Variants in ZCCHC17 observed in about 807,000 individuals in gnomAD.
ZCCHC17 encodes the protein zinc finger CCHC-type containing 17, also known as zinc finger CCHC domain-containing protein 17.
ZCCHC17 carries 18 observed loss-of-function variants against 30.6 expected under a neutral mutation model. That is an observed-to-expected ratio of 0.59 (90% CI 0.41 to 0.87). ZCCHC17 has a LOEUF of 0.87. ZCCHC17 is among the 40% of genes least tolerant of loss of function. The probability of loss-of-function intolerance (pLI) is 0.00; values close to 1 mark genes in which losing one functional copy is unlikely to be tolerated. For synonymous variants in ZCCHC17, 88 were observed against 92.4 expected (o/e 0.95, Z 0.27); for missense variants, 263 against 284.2 (o/e 0.93, Z 0.54).
rs115744485 is a variant in ZCCHC17 at position 31,329,933 on chromosome 1, G to A, written c.125-7242G>A. Among the ~76,000 whole-genome samples, 590 of 152,288 alleles carry A rather than the reference G, an allele frequency of 3.9e-3. 6 individuals are homozygous for A. Among genetic ancestry groups the A allele is most frequent in the African/African-American group, 0.014 (572 of 41,552 alleles). On this transcript the variant is annotated intron_variant, in intron 3 of 7. Transcript: ENST00000344147. ...TATTTTTGCCTATAATATAGTTTAA[G>A]CGTTTAGTAAATGTTTTAGTGAATC...
rs71035094 is a variant in ZCCHC17, at chr1:31,345,562, A to ATTATATT, written c.318-1078_318-1077insTTATATT. Among the ~76,000 whole-genome samples the ATTATATT allele has an allele frequency of 6.6e-3, 657 of 99,382 alleles. 28 individuals carry two copies. Among genetic ancestry groups the ATTATATT allele is most frequent in the Non-Finnish European group, 8.1e-3 (378 of 46,920 alleles). The allele number at this position is 99,382 out of a possible 152,430, so 65.2% of individuals were successfully genotyped here. On this transcript the variant is annotated intron_variant, in intron 5 of 7. Coordinates refer to ENST00000344147, the MANE Select transcript of ZCCHC17 (RefSeq NM_016505.4). ...GACAGACATTTATATATATATATAT[A>ATTATATT]ATATAATATATATATATATATTAGT...
At chr1:31,338,876 A>G in intron 4 of ZCCHC17, 81 bp from the exon 5 acceptor site, 2 of 895,128 alleles carry the variant, frequency 2.2e-6, no homozygotes, top group South Asian at 1.6e-5. Context: ...TGTTATGATG[A>G]AAACGTTGAC....
chr1:31,364,406 G>A lies in ZCCHC17; in HGVS notation c.*213G>A. ...AGTTGTTGTTTCCTTATCACTCCTG[G>A]TCCCTTTGCAAGTGAACCCTGCAGC... On this transcript the variant is annotated 3_prime_UTR_variant, in exon 8 of 8. Transcript: ENST00000344147. 1 of 797,232 alleles carries A rather than the reference G, an allele frequency of 1.3e-6. No individual in the cohort carries two copies. Among genetic ancestry groups the A allele is most frequent in the Non-Finnish European group, 1.9e-6 (1 of 530,232 alleles). The allele number at this position is 797,232 out of a possible 1,614,324, so 49.4% of individuals were successfully genotyped here.
At chr1:31,297,205 C>T (rs1277030064) in intron 1 of ZCCHC17, 130 bp downstream of exon 1, 4 of 400,770 alleles carry the variant, frequency 1.0e-5, no homozygotes, top group Non-Finnish European at 1.3e-5. Flanking sequence ...CCCCGAGTCC[C>T]CAGCTGTGGT....
At chr1:31,311,964 C>G (rs1264025756) in intron 2 of ZCCHC17, among the ~76,000 whole-genome samples, 2 of 152,198 alleles carry the variant, frequency 1.3e-5, no homozygotes, top group African/African-American at 4.8e-5. Flanking sequence ...TCCATTCCTT[C>G]TGCTGTGTGA....
At chr1:31,299,395 T>G (rs1646251375) in intron 1 of ZCCHC17, among the ~76,000 whole-genome samples, 1 of 152,256 alleles carries the variant, frequency 6.6e-6, no homozygotes, top group Non-Finnish European at 1.5e-5. Context: ...TTTCTGGGTA[T>G]GGCAAGGACA....
intron 5 of ZCCHC17, among the ~76,000 whole-genome samples, chr1:31,344,635 G>T (rs906956450): frequency 3.9e-5 from 6 of 152,146 alleles, no homozygotes; most frequent in African/African-American, 1.4e-4. Flanking sequence ...AGACGTGGGT[G>T]ACTGACACAT....
intron 2 of ZCCHC17, among the ~76,000 whole-genome samples, chr1:31,314,393 A>G (rs1053529104): frequency 6.6e-6 from 1 of 152,008 alleles, no homozygotes; most frequent in African/African-American, 2.4e-5. Context: ...TCCAATAAAC[A>G]TTTAATGAGT....
chr1:31,337,080 C>T, intron 3 of ZCCHC17, 95 bp from the exon 4 acceptor site: 4 of 1,166,026 alleles, frequency 3.4e-6, no homozygotes, highest in Non-Finnish European at 2.4e-6. Flanking sequence ...TTCATTTTTC[C>T]CTTGCATTCC....
chr1:31,335,252 T>C (rs1256376860), intron 3 of ZCCHC17, among the ~76,000 whole-genome samples: 2 of 152,246 alleles, frequency 1.3e-5, no homozygotes, highest in East Asian at 3.8e-4. Context: ...CAATTTTTTG[T>C]AGTTTACAAT....
intron 5 of ZCCHC17, among the ~76,000 whole-genome samples, chr1:31,341,467 T>C (rs963823271): frequency 1.3e-5 from 2 of 152,204 alleles, no homozygotes; most frequent in African/African-American, 4.8e-5. Flanking sequence ...ATAAAAGAGC[T>C]AACCCTGTTT....
chr1:31,299,667 T>C (rs909799953), intron 1 of ZCCHC17, among the ~76,000 whole-genome samples: 13 of 152,128 alleles, frequency 8.5e-5, no homozygotes, highest in African/African-American at 2.9e-4. Context: ...GCAAAGGTGG[T>C]ATTATTTTGT....
At chr1:31,353,275 T>TC in intron 7 of ZCCHC17, among the ~76,000 whole-genome samples, 1 of 152,354 alleles carries the variant, frequency 6.6e-6, no homozygotes, top group East Asian at 1.9e-4. Flanking sequence ...TGGATATCAA[T>TC]CCCATCAGAT....
intron 1 of ZCCHC17, among the ~76,000 whole-genome samples, chr1:31,304,602 A>AC (rs1553168688): frequency 5.2e-5 from 7 of 134,934 alleles, no homozygotes; most frequent in Non-Finnish European, 8.0e-5. Context: ...ATATACTCTT[A>AC]TTTTTTTTTT....
intron 4 of ZCCHC17, among the ~76,000 whole-genome samples, chr1:31,338,610 A>G (rs1007193650): frequency 1.3e-5 from 2 of 152,244 alleles, no homozygotes; most frequent in African/African-American, 4.8e-5. Context: ...GAAGTATTCA[A>G]AAACCTATTC....
chr1:31,311,288 A>G (rs940034278), intron 2 of ZCCHC17, among the ~76,000 whole-genome samples: 3 of 152,034 alleles, frequency 2.0e-5, no homozygotes, highest in Non-Finnish European at 4.4e-5. Context: ...GAAGCTTCTC[A>G]TTACAATTGA....
At chr1:31,350,988 A>G (rs1201588989) in intron 7 of ZCCHC17, among the ~76,000 whole-genome samples, 1 of 152,216 alleles carries the variant, frequency 6.6e-6, no homozygotes, top group African/African-American at 2.4e-5. Flanking sequence ...TCCCAAAAAT[A>G]AGATATAAAG....
intron 2 of ZCCHC17, among the ~76,000 whole-genome samples, chr1:31,311,554 A>C (rs554229450): frequency 1.3e-5 from 2 of 152,240 alleles, no homozygotes; most frequent in African/African-American, 2.4e-5. Flanking sequence ...ATCTAAGATC[A>C]AGTTGTCAGC....
intron 2 of ZCCHC17, among the ~76,000 whole-genome samples, chr1:31,318,765 T>A (rs771849738): frequency 7.9e-5 from 12 of 152,212 alleles, no homozygotes; most frequent in Admixed American, 2.0e-4. Context: ...TGCTTTTTGT[T>A]CCTTTTGTTC....
Sources: gnomAD v4.1 joint callset for allele counts (sites outside exome capture counted in the v4.1 genomes callset) on GRCh38, gnomAD v4.1.1 for gene constraint, MANE v1.5 for transcripts, NCBI Gene and HGNC (gene_info 2026-07-23, HGNC 2026-07-21) for gene names.